RNF212B: variants seen among roughly 807,000 people sequenced by gnomAD.
The protein encoded by RNF212B is ring finger protein 212B, also known as E3 ubiquitin-protein ligase RNF212B.
In RNF212B, 52 loss-of-function variants were observed where a neutral mutation model predicts 55.5. The ratio of observed to expected loss-of-function variants is 0.94; its 90% CI spans 0.75 to 1.18. The LOEUF (loss-of-function observed/expected upper bound fraction) is 1.18. Among genes scored for constraint, RNF212B ranks in the 50% most tolerant of loss-of-function variants. RNF212B has a pLI of 0.00. For missense variants in RNF212B, 289 were observed against 350.4 expected (o/e 0.82, Z 1.40); for synonymous variants, 99 against 121.4 (o/e 0.82, Z 1.21).
intron 4 of RNF212B, among the ~76,000 whole-genome samples, chr14:23,254,052 G>A (rs1292212833): frequency 1.3e-5 from 2 of 152,256 alleles, no homozygotes; most frequent in East Asian, 1.9e-4. Flanking sequence ...GCCGAAGTGG[G>A]AGAACGGCTA....
intron 11 of RNF212B, among the ~76,000 whole-genome samples, chr14:23,268,049 T>G (rs1186882288): frequency 6.6e-6 from 1 of 152,226 alleles, no homozygotes; most frequent in Non-Finnish European, 1.5e-5. Context: ...GATATTTATC[T>G]CCTTAGGCAG....
intron 2 of RNF212B, among the ~76,000 whole-genome samples, chr14:23,194,173 A>G (rs1227718668): frequency 1.3e-5 from 2 of 152,154 alleles, no homozygotes; most frequent in Non-Finnish European, 2.9e-5. Context: ...TTAAAAACAA[A>G]AGAGGAAAAT....
At chr14:23,233,223 G>C (rs1403131907), upstream of RNF212B, among the ~76,000 whole-genome samples, 1 of 152,108 alleles carries the variant, frequency 6.6e-6, no homozygotes, top group Non-Finnish European at 1.5e-5. Flanking sequence ...CTGGTTAAGA[G>C]TCATCACCAC....
intron 8 of RNF212B, 78 bp from the exon 9 acceptor site, chr14:23,262,850 C>T (rs1885397984): frequency 8.2e-6 from 12 of 1,458,522 alleles, no homozygotes; most frequent in Non-Finnish European, 1.1e-5. Flanking sequence ...ACCAGATAAC[C>T]ATGTACAACA....
chr14:23,264,329 C>A, intron 10 of RNF212B, 95 bp downstream of exon 10: 3 of 1,059,412 alleles, frequency 2.8e-6, no homozygotes, highest in Non-Finnish European at 4.2e-6. Context: ...TTGGTTTTGG[C>A]ATAAATTATC....
chr14:23,241,142 T>C (rs1354980330), intron 2 of RNF212B, among the ~76,000 whole-genome samples: 1 of 152,158 alleles, frequency 6.6e-6, no homozygotes, highest in African/African-American at 2.4e-5. Flanking sequence ...AAGGAGTGAT[T>C]CTTCAGTAGG....
intron 2 of RNF212B, among the ~76,000 whole-genome samples, chr14:23,204,658 A>T (rs1879658812): frequency 6.6e-6 from 1 of 152,168 alleles, no homozygotes; most frequent in Admixed American, 6.5e-5. Context: ...AGTTAGTGTG[A>T]TACCTCCAGA....
chr14:23,261,166 A>G (rs72488269), intron 7 of RNF212B: 54,825 of 293,622 alleles, frequency 0.19, 5,795 homozygotes, highest in South Asian at 0.25. Flanking sequence ...GGGCAAAGGT[A>G]GAGGAGAACA....
intron 2 of RNF212B, among the ~76,000 whole-genome samples, chr14:23,228,350 C>A (rs1026854477): frequency 6.6e-6 from 1 of 151,170 alleles, no homozygotes; most frequent in South Asian, 2.1e-4. Flanking sequence ...GCTGGCCAGG[C>A]GCAGTGGATC....
At chr14:23,269,070 C>T (rs1316356518) in intron 12 of RNF212B, 107 bp downstream of exon 12, 30 of 868,054 alleles carry the variant, frequency 3.5e-5, no homozygotes, top group Non-Finnish European at 4.6e-5. Flanking sequence ...TTTGGGAGGC[C>T]GAGGAGGGTG....
upstream of RNF212B, among the ~76,000 whole-genome samples, chr14:23,233,449 G>C (rs1197660404): frequency 1.3e-5 from 2 of 151,128 alleles, no homozygotes; most frequent in Admixed American, 6.6e-5. Context: ...ATTTTATCTG[G>C]GTTTGGTGGC....
chr14:23,258,045 G>A (rs1056983180), intron 4 of RNF212B, among the ~76,000 whole-genome samples: 14 of 152,146 alleles, frequency 9.2e-5, no homozygotes, highest in African/African-American at 2.9e-4. Context: ...TTCTCATTAA[G>A]ATAGTAAAAG....
At chr14:23,187,229 G>A (rs970995723) in intron 1 of RNF212B, among the ~76,000 whole-genome samples, 7 of 152,230 alleles carry the variant, frequency 4.6e-5, no homozygotes, top group African/African-American at 1.7e-4. Context: ...TTTAGAAAGA[G>A]AAAGGCTGTG....
chr14:23,229,231 T>TATATATAA (rs1225108810), intron 2 of RNF212B, among the ~76,000 whole-genome samples: 5 of 57,222 alleles, frequency 8.7e-5, no homozygotes, highest in Non-Finnish European at 2.2e-4. Flanking sequence ...TATATATATA[T>TATATATAA]ATATATATAT....
At chr14:23,244,115 A>C (rs1883821785) in intron 3 of RNF212B, among the ~76,000 whole-genome samples, 2 of 152,132 alleles carry the variant, frequency 1.3e-5, no homozygotes, top group South Asian at 4.1e-4. Flanking sequence ...AGATGGAAGC[A>C]TTATTTGTGA....
At position 23,232,406 on chromosome 14, in the gene RNF212B, G is replaced by A. The variant is rs182218921; in HGVS notation, c.-1-7939G>A. On this transcript the variant is annotated intron_variant, in intron 2 of 15. Transcript: ENST00000399910. Reference sequence around the variant, plus strand: ...GAGAAGTGAGGATCCCCTCCGCCCGGCAGCCGCCCTGTCTGAGAAGTGAGG... The same window carrying A: ...GAGAAGTGAGGATCCCCTCCGCCCGACAGCCGCCCTGTCTGAGAAGTGAGG... Among the ~76,000 whole-genome samples the A allele has an allele frequency of 6.4e-3, 956 of 149,798 alleles. 3 individuals are homozygous for A. Among genetic ancestry groups the A allele is most frequent in the Middle Eastern group, 0.011 (3 of 282 alleles).
upstream of RNF212B, among the ~76,000 whole-genome samples, chr14:23,237,119 C>A (rs770412477): frequency 6.2e-4 from 93 of 149,802 alleles, no homozygotes; most frequent in Non-Finnish European, 1.1e-3. Flanking sequence ...CACCCGCCAC[C>A]ACACCCGGCT....
At chr14:23,253,762 T>G (rs1319752160) in intron 4 of RNF212B, among the ~76,000 whole-genome samples, 1 of 152,196 alleles carries the variant, frequency 6.6e-6, no homozygotes, top group Non-Finnish European at 1.5e-5. Context: ...TCCAGATATA[T>G]AGTTCAAAAA....
At chr14:23,249,600 TA>T (rs1156779938) in intron 4 of RNF212B, among the ~76,000 whole-genome samples, 1 of 152,206 alleles carries the variant, frequency 6.6e-6, no homozygotes, top group Non-Finnish European at 1.5e-5. Context: ...TTATTTTACC[TA>T]AAAAGGAAAA....
Sources: allele counts gnomAD v4.1 joint callset (sites outside exome capture counted in the v4.1 genomes callset), GRCh38; gene constraint gnomAD v4.1.1; transcripts MANE v1.5; gene names NCBI Gene and HGNC (gene_info 2026-07-23, HGNC 2026-07-21).